The following SLC16A14 variants were observed in gnomAD, a reference collection of about 807,000 sequenced individuals.
SLC16A14 encodes the protein solute carrier family 16 member 14, also known as monocarboxylate transporter 14.
SLC16A14 carries 14 observed loss-of-function variants against 35.8 expected under a neutral mutation model. The observed-to-expected ratio is 0.39, with a 90% CI of 0.26 to 0.61. The LOEUF (loss-of-function observed/expected upper bound fraction) is 0.61. Ranked by LOEUF, SLC16A14 falls within the 20% of genes least tolerant of loss-of-function variation. The pLI is 0.51. For synonymous variants in SLC16A14, 248 were observed against 258.9 expected, an observed-to-expected ratio of 0.96 and a Z score of 0.40; for missense variants, 533 against 655.0, an observed-to-expected ratio of 0.81 and a Z score of 2.03.
intron 2 of SLC16A14, among the ~76,000 whole-genome samples, chr2:230,055,424 G>A: frequency 6.6e-6 from 1 of 152,100 alleles, no homozygotes; most frequent in East Asian, 1.9e-4. Flanking sequence ...ATAACTATGA[G>A]GCCTGCTGTG....
At chr2:230,067,370 A>G (rs1017159233) in intron 1 of SLC16A14, 3 of 152,350 alleles carry the variant, frequency 2.0e-5, no homozygotes, top group African/African-American at 7.2e-5. Flanking sequence ...ATTGGCATGA[A>G]TGTCCGCATT....
intron 2 of SLC16A14, among the ~76,000 whole-genome samples, chr2:230,050,618 C>T (rs1275237152): frequency 6.6e-6 from 1 of 152,116 alleles, no homozygotes; most frequent in African/African-American, 2.4e-5. Flanking sequence ...ACATATATTC[C>T]AAGAAGCAAC....
chr2:230,046,441 G>A lies in SLC16A14; in HGVS notation c.685C>T (p.Leu229=), dbSNP rs761553810. The change falls in exon 4 of 5, where the codon CTG becomes TTG. Residue 229 remains leucine, a synonymous_variant. Coordinates refer to ENST00000295190, the MANE Select transcript of SLC16A14 (RefSeq NM_152527.5). The surrounding 1 kb of genome is among the most constrained non-coding windows in gnomAD (Gnocchi z 5.0). ...ACAGATTCTGTGGAGTGCGCTGGCA[G>A]GCCACGCACATCTTTCTCTCCTGGG... ...NDPGEKDVRG[L]PAHSTESVKS... 2 of 1,614,236 alleles carry A rather than the reference G, an allele frequency of 1.2e-6. No homozygotes were observed. The highest frequency in any genetic ancestry group is 1.7e-6 in the Non-Finnish European group (2 of 1,180,042).
chr2:230,054,809 C>T (rs902316504), intron 2 of SLC16A14, among the ~76,000 whole-genome samples: 15 of 151,372 alleles, frequency 9.9e-5, no homozygotes, highest in African/African-American at 3.2e-4. Flanking sequence ...GCAGGAGAAT[C>T]GCTGGAACCC....
intron 4 of SLC16A14, among the ~76,000 whole-genome samples, chr2:230,042,494 A>G (rs1433064619): frequency 6.6e-6 from 1 of 152,182 alleles, no homozygotes; most frequent in Non-Finnish European, 1.5e-5. Context: ...CTGACAGATC[A>G]AGACAAAACA....
At chr2:230,060,978 A>C (rs6728068) in intron 1 of SLC16A14, among the ~76,000 whole-genome samples, 149,798 of 152,100 alleles carry the variant, frequency 0.98, 73,814 homozygotes, top group Middle Eastern at 1. Flanking sequence ...TGTGTAGGAG[A>C]CTTAATGCTC....
At chr2:230,045,713 A>G (rs2077599269) in intron 4 of SLC16A14, 32 bp downstream of exon 4, 2 of 1,612,918 alleles carry the variant, frequency 1.2e-6, no homozygotes, top group Non-Finnish European at 1.7e-6. Context: ...ATGTACATGC[A>G]CTCTGAGCTC....
At chr2:230,044,353 C>A (rs1052486438) in intron 4 of SLC16A14, among the ~76,000 whole-genome samples, 1 of 151,888 alleles carries the variant, frequency 6.6e-6, no homozygotes, top group South Asian at 2.1e-4. Flanking sequence ...TGGCGCACAC[C>A]TGTAATCCCA....
chr2:230,062,728 A>G (rs1451886592), intron 1 of SLC16A14, among the ~76,000 whole-genome samples: 2 of 152,214 alleles, frequency 1.3e-5, no homozygotes, highest in Non-Finnish European at 2.9e-5. Flanking sequence ...TACTGGGGGA[A>G]AAAATGAGTG....
chr2:230,060,469 A>G (rs980703216), intron 1 of SLC16A14, among the ~76,000 whole-genome samples: 1 of 152,088 alleles, frequency 6.6e-6, no homozygotes, highest in Non-Finnish European at 1.5e-5. Flanking sequence ...CAGCCTCCTG[A>G]ATAACTGGGA....
chr2:230,049,665 A>G, intron 3 of SLC16A14, 96 bp downstream of exon 3: 1 of 1,327,152 alleles, frequency 7.5e-7, no homozygotes, highest in East Asian at 2.4e-5. Context: ...ACAGAACAGA[A>G]TGTTTTAATG....
rs1325243818 is a variant in SLC16A14, at chr2:230,038,888, C to T, written c.1382-1357G>A. Among the ~76,000 whole-genome samples the T allele has an allele frequency of 6.6e-6, 1 of 152,100 alleles. No homozygotes were observed. The highest frequency in any genetic ancestry group is 1.5e-5 in the Non-Finnish European group (1 of 68,022). The stretch of plus-strand genomic sequence containing the variant: ...TGCCACCGCACTCCAGCCTGGGCAA[C>T]AGAGCAAGACTCCATCTCAAAAAAT... On this transcript the variant is annotated intron_variant, in intron 4 of 4. Transcript: ENST00000295190. This position sits in a 1 kb window ranked among gnomAD's most constrained non-coding sequence, Gnocchi z 4.4.
At chr2:230,056,887 A>AGT (rs2077710089) in intron 2 of SLC16A14, among the ~76,000 whole-genome samples, 1 of 151,224 alleles carries the variant, frequency 6.6e-6, no homozygotes, top group African/African-American at 2.4e-5. Context: ...AGTAAAAAAA[A>AGT]AAAAAAAAAA....
rs896406176 is a variant in SLC16A14 at position 230,036,729 on chromosome 2, G to C, written c.*651C>G. Reference sequence around the variant, plus strand: ...TCAAGATTCCATTTATAACTGGATAGCACTGAATTAGGATTAATGGCAAGT... The same window carrying C: ...TCAAGATTCCATTTATAACTGGATACCACTGAATTAGGATTAATGGCAAGT... On this transcript the variant is annotated 3_prime_UTR_variant, in exon 5 of 5. Transcript: ENST00000295190. 7.2e-5 allele frequency: 11 copies of C among 152,226 alleles called. No homozygotes were observed. Among genetic ancestry groups the C allele is most frequent in the African/African-American group, 2.7e-4 (11 of 41,468 alleles). 9.4% of individuals were successfully genotyped at this position (152,226 alleles called of 1,614,324 possible).
intron 1 of SLC16A14, among the ~76,000 whole-genome samples, chr2:230,064,871 G>A (rs2077780401): frequency 6.6e-6 from 1 of 152,102 alleles, no homozygotes; most frequent in South Asian, 2.1e-4. Flanking sequence ...TTAGCCGGGT[G>A]TGGTGGCGCA....
chr2:230,065,263 CT>C lies in SLC16A14; in HGVS notation c.-15+3291del, dbSNP rs768703564. Among the ~76,000 whole-genome samples, 679 of 146,014 alleles carry C rather than the reference CT, an allele frequency of 4.7e-3. 8 individuals are homozygous for C. The highest frequency in any genetic ancestry group is 0.015 in the African/African-American group (598 of 40,102). On this transcript the variant is annotated intron_variant, in intron 1 of 4. Coordinates refer to ENST00000295190, the MANE Select transcript of SLC16A14 (RefSeq NM_152527.5). ...GCATGTAGAATATAGTAAAAAAGTT[CT>C]TTTTTTTTTTGAGATGGAGTCTTAC...
intron 2 of SLC16A14, among the ~76,000 whole-genome samples, chr2:230,053,041 C>T (rs1406959206): frequency 1.3e-5 from 2 of 151,902 alleles, no homozygotes; most frequent in African/African-American, 4.8e-5. Context: ...TCCTGGATTC[C>T]AGCGATTCTC....
chr2:230,048,180 C>T (rs1468786909), intron 3 of SLC16A14, among the ~76,000 whole-genome samples: 1 of 152,176 alleles, frequency 6.6e-6, no homozygotes, highest in Non-Finnish European at 1.5e-5. Flanking sequence ...TTAATCATTT[C>T]AACAACCATG....
In SLC16A14 at chr2:230,056,860, A is replaced by G. The variant is rs182315466; in HGVS notation, c.259+2234T>C. Among the ~76,000 whole-genome samples, 170 of 143,958 alleles carry G rather than the reference A, an allele frequency of 1.2e-3. 1 individual carries two copies. Among genetic ancestry groups the G allele is most frequent in the African/African-American group, 4.1e-3 (157 of 38,300 alleles). 94.4% of individuals were successfully genotyped at this position (143,958 alleles called of 152,430 possible). On this transcript the variant is annotated intron_variant, in intron 2 of 4. Coordinates refer to ENST00000295190, the MANE Select transcript of SLC16A14 (RefSeq NM_152527.5). The stretch of plus-strand genomic sequence containing the variant: ...ACTCCACCCTGGGCAACAGAGTGAC[A>G]CCCTGTTTCTACAAAAAGTAAAAAA...
Sources: gnomAD v4.1 joint callset for allele counts (sites outside exome capture counted in the v4.1 genomes callset) on GRCh38, gnomAD v4.1.1 for gene constraint, Gnocchi (gnomAD v3.1) non-coding constraint, MANE v1.5 for transcripts, NCBI Gene and HGNC (gene_info 2026-07-23, HGNC 2026-07-21) for gene names.